The following CCDC91 variants were observed in gnomAD, a reference collection of about 807,000 sequenced individuals.
The protein encoded by CCDC91 is coiled-coil domain-containing protein 91.
Under a neutral mutation model 63.2 loss-of-function variants are expected in CCDC91, and 48 were observed. That is an observed-to-expected ratio of 0.76 (90% CI 0.60 to 0.97). The LOEUF (loss-of-function observed/expected upper bound fraction) is 0.97, where lower values mean the gene tolerates loss of function less well. CCDC91 is among the 50% of genes least tolerant of loss of function. CCDC91 has a pLI of 0.00. For missense variants in CCDC91, 500 were observed against 494.6 expected, an observed-to-expected ratio of 1.01 and a Z score of -0.10; for synonymous variants, 167 against 165.8, an observed-to-expected ratio of 1.01 and a Z score of -0.06.
chr12:28,251,854 G>A (rs1205757966), intron 1 of CCDC91, among the ~76,000 whole-genome samples: 4 of 152,240 alleles, frequency 2.6e-5, no homozygotes, highest in Admixed American at 2.6e-4. Context: ...GTGGAACTCA[G>A]TTCACTATTA....
At chr12:28,202,705 G>A (rs1476959865) in intron 1 of CCDC91, among the ~76,000 whole-genome samples, 1 of 152,240 alleles carries the variant, frequency 6.6e-6, no homozygotes, top group Non-Finnish European at 1.5e-5. Context: ...GTAGCAAGAA[G>A]TCAAAGCTTA....
At chr12:28,490,151 C>T (rs1259424515) in intron 12 of CCDC91, among the ~76,000 whole-genome samples, 1 of 151,798 alleles carries the variant, frequency 6.6e-6, no homozygotes, top group East Asian at 1.9e-4. Context: ...TCCCATCTTC[C>T]TGCCCCTTTC....
chr12:28,298,113 G>C (rs1176263372), intron 3 of CCDC91, among the ~76,000 whole-genome samples: 1 of 122,736 alleles, frequency 8.1e-6, no homozygotes, highest in Non-Finnish European at 1.9e-5. Flanking sequence ...TTCTTTCACA[G>C]ATGCTATTCA....
intron 8 of CCDC91, among the ~76,000 whole-genome samples, chr12:28,402,587 CAA>C (rs34654808): frequency 3.0e-5 from 3 of 99,354 alleles, no homozygotes; most frequent in African/African-American, 7.8e-5. Context: ...ATGTCATCTG[CAA>C]AAAAAAAAAA....
At position 28,489,051 on chromosome 12, in the gene CCDC91, T is replaced by C. The variant is rs376975247; in HGVS notation, c.1215+4886T>C. ...AGCAGAGTTGAGTAAAGAGAGACCATTGGGACATACAACCCAAAATATTTA... is the reference window on the plus strand; with the variant it reads ...AGCAGAGTTGAGTAAAGAGAGACCACTGGGACATACAACCCAAAATATTTA... On this transcript the variant is annotated intron_variant, in intron 12 of 12. Coordinates refer to ENST00000536442, the MANE Select transcript of CCDC91 (RefSeq NM_018318.5). Among the ~76,000 whole-genome samples, 210 of 152,104 alleles carry C rather than the reference T, an allele frequency of 1.4e-3. 1 individual carries two copies. The highest frequency in any genetic ancestry group is 4.7e-3 in the African/African-American group (194 of 41,556).
At chr12:28,266,310 A>G (rs1210014469) in intron 3 of CCDC91, among the ~76,000 whole-genome samples, 1 of 152,048 alleles carries the variant, frequency 6.6e-6, no homozygotes, top group Non-Finnish European at 1.5e-5. Context: ...CTTTGCCTTC[A>G]GCTAACTATG....
intron 11 of CCDC91, among the ~76,000 whole-genome samples, chr12:28,466,753 C>A (rs1950568913): frequency 6.6e-6 from 1 of 151,936 alleles, no homozygotes; most frequent in South Asian, 2.1e-4. Context: ...CCTTTATGAG[C>A]AATAAGAAAT....
chr12:28,361,729 C>CT (rs2138554070), intron 6 of CCDC91, among the ~76,000 whole-genome samples: 1 of 152,086 alleles, frequency 6.6e-6, no homozygotes, highest in African/African-American at 2.4e-5. Context: ...TCTATCCTAT[C>CT]TGTTTTCTCC....
At chr12:28,523,158 AATGTTGACAGTGGG>A (rs1940899894) in intron 12 of CCDC91, among the ~76,000 whole-genome samples, 1 of 152,210 alleles carries the variant, frequency 6.6e-6, no homozygotes, top group East Asian at 1.9e-4. Context: ...TGATCTGTCT[AATGTTGACAGTGGG>A]ATGTTAAAGT....
intron 11 of CCDC91, among the ~76,000 whole-genome samples, chr12:28,453,242 A>T (rs1225722817): frequency 6.6e-6 from 1 of 151,994 alleles, no homozygotes; most frequent in Non-Finnish European, 1.5e-5. Context: ...GTTTTTCTGT[A>T]ATTGAATTTG....
At chr12:28,463,429 A>G (rs1485502928) in intron 11 of CCDC91, among the ~76,000 whole-genome samples, 1 of 152,208 alleles carries the variant, frequency 6.6e-6, no homozygotes, top group Non-Finnish European at 1.5e-5. Flanking sequence ...AGAGCTAAAT[A>G]TTTTTTATGG....
At chr12:28,208,508 T>C (rs1228646858) in intron 1 of CCDC91, among the ~76,000 whole-genome samples, 1 of 152,180 alleles carries the variant, frequency 6.6e-6, no homozygotes. Flanking sequence ...TCTTAAATGC[T>C]TCAGGGGCCC....
intron 12 of CCDC91, among the ~76,000 whole-genome samples, chr12:28,490,256 T>G (rs2140988612): frequency 6.6e-6 from 1 of 151,958 alleles, no homozygotes; most frequent in South Asian, 2.1e-4. Context: ...ATCTGTGGTC[T>G]AAAGCATCTG....
rs1414228730 is a variant in CCDC91, at chr12:28,302,282, G to A, written c.110-3367G>A. On this transcript the variant is annotated intron_variant, in intron 3 of 12. Transcript: ENST00000536442. ...TGTGCTTGGGTGAATAATGGGATAG[G>A]TGTGAAAAGATTTCTGGAAAAGCTT... is the stretch of plus-strand genomic sequence containing the variant. 3.3e-5 allele frequency among the ~76,000 whole-genome samples: 5 copies of A among 151,926 alleles called. No individual in the cohort carries two copies. The South Asian group carries it at 1.0e-3, about 32-fold the overall frequency.
At chr12:28,529,589 T>C (rs1372416479) in intron 12 of CCDC91, among the ~76,000 whole-genome samples, 4 of 152,218 alleles carry the variant, frequency 2.6e-5, no homozygotes, top group African/African-American at 9.6e-5. Context: ...GTGCATGCAC[T>C]TGGTCCTCCT....
Position 28,549,131 on chromosome 12 carries a change from G to T in CCDC91, c.1284G>T (p.Gln428His). ...LELFLSCAQK[Q>H]LSALIATEPV... ...TGTTCCTCTCCTGTGCACAGAAACA[G>T]TTAAGTGCTTTAATAGCTACGGAAC... Residue 428 changes from glutamine to histidine, a missense_variant, in exon 13 of 13, where the codon CAG (glutamine) becomes CAT (histidine). Gln to His is a conservative substitution (Grantham distance 24, BLOSUM62 0). Coordinates refer to ENST00000536442, the MANE Select transcript of CCDC91 (RefSeq NM_018318.5). 1 of 1,612,448 alleles carries T rather than the reference G, an allele frequency of 6.2e-7. No individual in the cohort carries two copies. Among genetic ancestry groups the T allele is most frequent in the Admixed American group, 1.7e-5 (1 of 59,940 alleles).
chr12:28,475,376 A>C (rs993303409), intron 11 of CCDC91, among the ~76,000 whole-genome samples: 4 of 152,108 alleles, frequency 2.6e-5, no homozygotes, highest in African/African-American at 9.7e-5. Flanking sequence ...TAGAGTATTC[A>C]TGAAAATATT....
chr12:28,254,896 C>G (rs563932842), intron 1 of CCDC91, among the ~76,000 whole-genome samples: 22 of 151,838 alleles, frequency 1.4e-4, no homozygotes, highest in African/African-American at 5.3e-4. Context: ...CTCAGCCCCA[C>G]AAGTAGCTGG....
chr12:28,207,956 A>G (rs1397700578), intron 1 of CCDC91, among the ~76,000 whole-genome samples: 2 of 152,190 alleles, frequency 1.3e-5, no homozygotes, highest in Non-Finnish European at 2.9e-5. Flanking sequence ...TATCTAAATA[A>G]TTTCAGTATT....
Sources: gnomAD v4.1 joint callset for allele counts (sites outside exome capture counted in the v4.1 genomes callset) on GRCh38, gnomAD v4.1.1 for gene constraint, MANE v1.5 for transcripts, NCBI Gene and HGNC (gene_info 2026-07-23, HGNC 2026-07-21) for gene names.